The following NXPH1 variants were observed in gnomAD, a reference collection of about 807,000 sequenced individuals.
NXPH1 encodes neurexophilin 1, also known as neurexophilin-1.
NXPH1 carries 5 observed loss-of-function variants against 23.7 expected under a neutral mutation model. The ratio of observed to expected loss-of-function variants is 0.21; its 90% CI spans 0.11 to 0.44. The LOEUF (loss-of-function observed/expected upper bound fraction) is 0.44, where lower values mean the gene tolerates loss of function less well. NXPH1 is among the 20% of genes least tolerant of loss of function. NXPH1 has a pLI of 0.99. For missense variants in NXPH1, 324 were observed against 321.6 expected (o/e 1.01, Z -0.06); for synonymous variants, 144 against 122.2 (o/e 1.18, Z -1.18).
At chr7:8,732,131 T>G (rs1277468785) in intron 2 of NXPH1, among the ~76,000 whole-genome samples, 1 of 152,232 alleles carries the variant, frequency 6.6e-6, no homozygotes, top group Non-Finnish European at 1.5e-5. Context: ...CCCCTTTCTT[T>G]GACTAGGAAA....
At position 8,470,519 on chromosome 7, in the gene NXPH1, C is replaced by A. The variant is rs146651839; in HGVS notation, c.54+34752C>A. On this transcript the variant is annotated intron_variant, in intron 2 of 2. Transcript: ENST00000405863. ...CTTCTGAATATTAGACCATTTAGGG[C>A]AAACTTTAGCTTTGTAGGGAAAAAA... Among the ~76,000 whole-genome samples, 129 of 152,206 alleles carry A rather than the reference C, an allele frequency of 8.5e-4. No individual in the cohort carries two copies. The East Asian group carries it at 0.02, about 24-fold the overall frequency.
chr7:8,620,881 G>A (rs758144057), intron 2 of NXPH1, among the ~76,000 whole-genome samples: 6 of 152,144 alleles, frequency 3.9e-5, no homozygotes, highest in Non-Finnish European at 7.3e-5. Context: ...ATCTCTTCCA[G>A]GTTGTATGTT....
intron 2 of NXPH1, among the ~76,000 whole-genome samples, chr7:8,615,394 G>T (rs1186110840): frequency 6.6e-6 from 1 of 152,022 alleles, no homozygotes; most frequent in Non-Finnish European, 1.5e-5. Context: ...TCTTAAGGTT[G>T]TTGAGAGGAT....
Position 8,609,315 on chromosome 7 carries a change from C to A in NXPH1, c.55-141693C>A, listed in dbSNP as rs10230450. On this transcript the variant is annotated intron_variant, in intron 2 of 2. Coordinates refer to ENST00000405863, the MANE Select transcript of NXPH1 (RefSeq NM_152745.3). ...TTCTATTCTAAAATTATGGCAGGCA[C>A]TATACGTAAGGGCTTTATAGTTTAC... is the stretch of plus-strand genomic sequence containing the variant. Among the ~76,000 whole-genome samples, 1,360 of 152,164 alleles carry A rather than the reference C, an allele frequency of 8.9e-3. 20 individuals carry two copies. The highest frequency in any genetic ancestry group is 0.031 in the African/African-American group (1,294 of 41,508).
rs540056222 is a variant in NXPH1 at position 8,678,928 on chromosome 7, A to ATTTTTTTTTTTTTTT, written c.55-72059_55-72045dup. Among the ~76,000 whole-genome samples, 379 of 68,782 alleles carry ATTTTTTTTTTTTTTT rather than the reference A, an allele frequency of 5.5e-3. 48 individuals are homozygous for ATTTTTTTTTTTTTTT. Among genetic ancestry groups the ATTTTTTTTTTTTTTT allele is most frequent in the Non-Finnish European group, 6.9e-3 (274 of 39,992 alleles). 45.1% of individuals were successfully genotyped at this position (68,782 alleles called of 152,430 possible). A position where few individuals can be genotyped will look rare whatever the true frequency, so the allele number is the denominator to read the frequency against. On this transcript the variant is annotated intron_variant, in intron 2 of 2. Coordinates refer to ENST00000405863, the MANE Select transcript of NXPH1 (RefSeq NM_152745.3). ...TCTAGATTTATCTTTGCTTTATCCA[A>ATTTTTTTTTTTTTTT]TTTTTTTTTTTTTTTTTTTTTTTTT...
chr7:8,703,312 G>A (rs1779656034), intron 2 of NXPH1, among the ~76,000 whole-genome samples: 1 of 152,060 alleles, frequency 6.6e-6, no homozygotes, highest in Non-Finnish European at 1.5e-5. Flanking sequence ...TATTACGTCT[G>A]TGCTACTTTA....
intron 2 of NXPH1, among the ~76,000 whole-genome samples, chr7:8,465,956 T>C (rs1052515163): frequency 5.9e-5 from 9 of 152,156 alleles, no homozygotes; most frequent in African/African-American, 1.9e-4. Context: ...ATTCAGAGGA[T>C]AGGGCAATTT....
chr7:8,456,578 G>C (rs1382358953), intron 2 of NXPH1, among the ~76,000 whole-genome samples: 1 of 152,094 alleles, frequency 6.6e-6, no homozygotes, highest in Non-Finnish European at 1.5e-5. Flanking sequence ...GACATATCAG[G>C]GGTCAGTGAA....
In NXPH1 at chr7:8,716,660, G is replaced by A. The variant is rs1002035887; in HGVS notation, c.55-34348G>A. ...CATTTTGAATTCTTTGGATTTTGGT[G>A]TTAAAAGGGTATTACTGGGATATGT... On this transcript the variant is annotated intron_variant, in intron 2 of 2. Coordinates refer to ENST00000405863, the MANE Select transcript of NXPH1 (RefSeq NM_152745.3). Among the ~76,000 whole-genome samples, 4 of 152,148 alleles carry A rather than the reference G, an allele frequency of 2.6e-5. No homozygotes were observed. In the East Asian group the frequency reaches 5.8e-4, roughly 22 times the overall value.
rs192225827 is a variant in NXPH1, at chr7:8,586,220, C to T, written c.54+150453C>T. The stretch of plus-strand genomic sequence containing the variant: ...ACCTAAAATGCTGGAAATTCAAATC[C>T]CAAAACACGCTGTTTGGGATACTGT... On this transcript the variant is annotated intron_variant, in intron 2 of 2. Coordinates refer to ENST00000405863, the MANE Select transcript of NXPH1 (RefSeq NM_152745.3). Among the ~76,000 whole-genome samples the T allele has an allele frequency of 2.1e-3, 316 of 152,084 alleles. 3 individuals are homozygous for T. The highest frequency in any genetic ancestry group is 7.2e-3 in the African/African-American group (298 of 41,490).
At chr7:8,640,459 T>G (rs944816577) in intron 2 of NXPH1, among the ~76,000 whole-genome samples, 4 of 151,590 alleles carry the variant, frequency 2.6e-5, no homozygotes, top group Non-Finnish European at 1.5e-5. Context: ...TTTAAATTCA[T>G]TTTGCTTGCT....
At chr7:8,523,102 C>T (rs1281524639) in intron 2 of NXPH1, among the ~76,000 whole-genome samples, 6 of 152,304 alleles carry the variant, frequency 3.9e-5, no homozygotes, top group East Asian at 3.9e-4. Context: ...AGATAACAGG[C>T]ATGCAAAATG....
At chr7:8,545,287 A>C (rs1818182340) in intron 2 of NXPH1, among the ~76,000 whole-genome samples, 5 of 151,528 alleles carry the variant, frequency 3.3e-5, no homozygotes, top group Admixed American at 3.3e-4. Flanking sequence ...TTATTCATCA[A>C]TTAATGACAG....
chr7:8,496,095 T>C (rs1209488803), intron 2 of NXPH1, among the ~76,000 whole-genome samples: 2 of 152,006 alleles, frequency 1.3e-5, no homozygotes, highest in African/African-American at 4.8e-5. Context: ...GTGGCAGCAT[T>C]AGGATTCTCC....
At chr7:8,466,188 T>C (rs553325897) in intron 2 of NXPH1, among the ~76,000 whole-genome samples, 2 of 152,242 alleles carry the variant, frequency 1.3e-5, no homozygotes, top group Non-Finnish European at 2.9e-5. Flanking sequence ...AAATCAAGAC[T>C]GGGACCATGA....
At chr7:8,437,583 C>T (rs1289831547) in intron 2 of NXPH1, among the ~76,000 whole-genome samples, 5 of 152,166 alleles carry the variant, frequency 3.3e-5, no homozygotes, top group Non-Finnish European at 4.4e-5. Context: ...TTTCGATAGT[C>T]TGGAAAATAA....
intron 2 of NXPH1, among the ~76,000 whole-genome samples, chr7:8,618,665 C>G (rs1819798011): frequency 6.6e-6 from 1 of 152,086 alleles, no homozygotes; most frequent in Non-Finnish European, 1.5e-5. Flanking sequence ...CAGAATTTAC[C>G]CTTTTGCTAA....
chr7:8,510,553 A>C (rs891400881), intron 2 of NXPH1, among the ~76,000 whole-genome samples: 1 of 152,086 alleles, frequency 6.6e-6, no homozygotes, highest in Non-Finnish European at 1.5e-5. Flanking sequence ...AAATGTTTTA[A>C]AATTTTTTAA....
intron 2 of NXPH1, among the ~76,000 whole-genome samples, chr7:8,718,423 T>C (rs1039564571): frequency 5.9e-5 from 9 of 152,224 alleles, no homozygotes; most frequent in Non-Finnish European, 1.3e-4. Flanking sequence ...TCTGTGCTAC[T>C]TGAATAAAGC....
Sources: allele counts gnomAD v4.1 joint callset (sites outside exome capture counted in the v4.1 genomes callset), GRCh38; gene constraint gnomAD v4.1.1; transcripts MANE v1.5; gene names NCBI Gene and HGNC (gene_info 2026-07-23, HGNC 2026-07-21).